Variants in ZC3H7B observed in about 807,000 individuals in gnomAD.
The protein encoded by ZC3H7B is zinc finger CCCH domain-containing protein 7B.
ZC3H7B carries 35 observed loss-of-function variants against 116.0 expected under a neutral mutation model. The ratio of observed to expected loss-of-function variants is 0.30; its 90% CI spans 0.23 to 0.40. The LOEUF is 0.40. Ranked by LOEUF, ZC3H7B falls within the 10% of genes least tolerant of loss-of-function variation. The pLI is 1.00. For missense variants in ZC3H7B, 1,011 were observed against 1,321.5 expected, an observed-to-expected ratio of 0.77 and a Z score of 3.64; for synonymous variants, 502 against 545.6, an observed-to-expected ratio of 0.92 and a Z score of 1.11.
chr22:41,341,012 A>C, intron 10 of ZC3H7B, 76 bp from the exon 11 acceptor site: 2 of 1,459,922 alleles, frequency 1.4e-6, no homozygotes, highest in Non-Finnish European at 1.9e-6. Flanking sequence ...TCAGCAATAC[A>C]TAAGGGGAAG....
intron 9 of ZC3H7B, among the ~76,000 whole-genome samples, chr22:41,339,482 C>T (rs368519115): frequency 2.0e-5 from 3 of 151,958 alleles, no homozygotes; most frequent in Non-Finnish European, 2.9e-5. Context: ...AAAAATTAGC[C>T]GGGCATGGTG....
chr22:41,306,395 C>T (rs1438668304), intron 1 of ZC3H7B, among the ~76,000 whole-genome samples: 19 of 134,072 alleles, frequency 1.4e-4, no homozygotes, highest in Non-Finnish European at 2.2e-4. Flanking sequence ...TTTTTTGAGA[C>T]GGAGTTCCAC....
chr22:41,323,244 C>T (rs73176670), intron 2 of ZC3H7B, among the ~76,000 whole-genome samples: 6,303 of 152,282 alleles, frequency 0.041, 198 homozygotes, highest in Non-Finnish European at 0.064. Flanking sequence ...TTCATCAGAG[C>T]GGTTGCTAGC....
intron 2 of ZC3H7B, among the ~76,000 whole-genome samples, chr22:41,325,283 G>T (rs759592605): frequency 4.6e-5 from 7 of 151,996 alleles, no homozygotes; most frequent in Non-Finnish European, 7.4e-5. Context: ...TGGAAGTGGG[G>T]CTGGAACTGG....
intron 1 of ZC3H7B, among the ~76,000 whole-genome samples, chr22:41,306,650 G>A (rs1254431210): frequency 4.6e-5 from 7 of 152,086 alleles, no homozygotes; most frequent in East Asian, 1.9e-4. Flanking sequence ...GATTACAGGC[G>A]TGAGCCACTG....
Position 41,343,454 on chromosome 22 carries a change from A to T in ZC3H7B, c.1337A>T (p.Glu446Val). 1 of 1,613,784 alleles carries T rather than the reference A, an allele frequency of 6.2e-7. No individual in the cohort carries two copies. The highest frequency in any genetic ancestry group is 8.5e-7 in the Non-Finnish European group (1 of 1,179,806). The change falls in exon 13 of 23, where the codon GAG (glutamate) becomes GTG (valine). Residue 446 changes from glutamate to valine, a missense_variant. Coordinates refer to ENST00000352645, the MANE Select transcript of ZC3H7B (RefSeq NM_017590.6). ...AGDYTYREGL[E>V]HKCKRDILLG... ...GACTACACCTACCGTGAGGGCCTTGAGCACAAGTGCAAGCGGGACATCCTG... is the reference window on the plus strand; with the variant it reads ...GACTACACCTACCGTGAGGGCCTTGTGCACAAGTGCAAGCGGGACATCCTG...
At chr22:41,356,531 T>C in intron 21 of ZC3H7B, 55 bp downstream of exon 21, 2 of 1,611,014 alleles carry the variant, frequency 1.2e-6, no homozygotes, top group Admixed American at 1.7e-5. Flanking sequence ...GGTCTGAGCC[T>C]CACCTGGGAG....
intron 17 of ZC3H7B, among the ~76,000 whole-genome samples, chr22:41,353,107 T>C (rs1052240884): frequency 2.0e-5 from 3 of 151,938 alleles, no homozygotes; most frequent in Non-Finnish European, 4.4e-5. Flanking sequence ...AAAAAAGGTC[T>C]TCAGGAGAAA....
intron 1 of ZC3H7B, among the ~76,000 whole-genome samples, chr22:41,306,006 T>C (rs2145892975): frequency 6.6e-6 from 1 of 152,276 alleles, no homozygotes; most frequent in African/African-American, 2.4e-5. Flanking sequence ...ATCTGAAAGA[T>C]AGGTTGAAAA....
chr22:41,330,766 A>T (rs2036371191), intron 6 of ZC3H7B, among the ~76,000 whole-genome samples: 1 of 151,132 alleles, frequency 6.6e-6, no homozygotes, highest in Middle Eastern at 3.4e-3. Context: ...ACATGTAGAA[A>T]CCCCATCTCT....
intron 11 of ZC3H7B, among the ~76,000 whole-genome samples, chr22:41,342,239 C>T (rs1020953608): frequency 2.6e-5 from 4 of 152,150 alleles, no homozygotes; most frequent in Admixed American, 6.5e-5. Flanking sequence ...TATGCTTTCA[C>T]ATTCAACTTG....
Position 41,349,026 on chromosome 22 carries a change from G to A in ZC3H7B, c.1767-94G>A. ...GGTACATAGATCAGGGGGTGCCCAG[G>A]GAGAGCCTGGCACTGGGAAGGTGGC... is the stretch of plus-strand genomic sequence containing the variant. On this transcript the variant is annotated intron_variant, in intron 15 of 22. Coordinates refer to ENST00000352645, the MANE Select transcript of ZC3H7B (RefSeq NM_017590.6). This position sits in a 1 kb window ranked among gnomAD's most constrained non-coding sequence, Gnocchi z 4.9. The A allele has an allele frequency of 7.3e-7, 1 of 1,369,904 alleles. No homozygotes were observed. Among genetic ancestry groups the A allele is most frequent in the Non-Finnish European group, 1.0e-6 (1 of 1,000,342 alleles). The allele number at this position is 1,369,904 out of a possible 1,614,324, so 84.9% of individuals were successfully genotyped here. A position where few individuals can be genotyped will look rare whatever the true frequency, so the allele number is the denominator to read the frequency against.
chr22:41,356,789 G>C lies in ZC3H7B; in HGVS notation c.2662G>C (p.Glu888Gln). 6.2e-7 allele frequency: 1 copy of C among 1,613,484 alleles called. No individual in the cohort carries two copies. Among genetic ancestry groups the C allele is most frequent in the Non-Finnish European group, 8.5e-7 (1 of 1,179,968 alleles). Residue 888 changes from glutamate (E) to glutamine (Q), a missense_variant, in exon 22 of 23, where the codon GAG (glutamate) becomes CAG (glutamine). By Grantham distance (29) the Glu-to-Gln change is conservative. This residue lies in a region of ZC3H7B where 406 missense variants were observed against 590.2 expected (regional missense o/e 0.69). Transcript: ENST00000352645. ...CTGGGCCTTCCGCTTCCCCATGGGCGAGTTCCGGCTCTGCGACAGGTGCTC... is the reference window on the plus strand; with the variant it reads ...CTGGGCCTTCCGCTTCCCCATGGGCCAGTTCCGGCTCTGCGACAGGTGCTC... ...SGWAFRFPMG[E>Q]FRLCDRLQKG...
chr22:41,324,393 G>T (rs191006810), intron 2 of ZC3H7B, among the ~76,000 whole-genome samples: 40 of 152,310 alleles, frequency 2.6e-4, no homozygotes, highest in Admixed American at 1.8e-3. Flanking sequence ...TCCTGCCCAG[G>T]TGCTGGCAGC....
At position 41,302,303 on chromosome 22, in the gene ZC3H7B, G is replaced by T. The variant is rs1326013985; in HGVS notation, c.-7+531G>T. On this transcript the variant is annotated intron_variant, in intron 1 of 22. Transcript: ENST00000352645. The surrounding 1 kb of genome is among the most constrained non-coding windows in gnomAD (Gnocchi z 5.7). ...GGGGAGCGGGGCCGCCCGACGGGCCGCCCCTTTCGGCTGCGGCGGCCACGC... is the reference window on the plus strand; with the variant it reads ...GGGGAGCGGGGCCGCCCGACGGGCCTCCCCTTTCGGCTGCGGCGGCCACGC... Among the ~76,000 whole-genome samples, 1 of 151,762 alleles carries T rather than the reference G, an allele frequency of 6.6e-6. No homozygotes were observed. The highest frequency in any genetic ancestry group is 1.9e-4 in the East Asian group (1 of 5,130).
At chr22:41,320,528 C>T (rs2036241646) in intron 1 of ZC3H7B, 127 bp from the exon 2 acceptor site, 2 of 1,095,572 alleles carry the variant, frequency 1.8e-6, no homozygotes, top group African/African-American at 1.5e-5. Flanking sequence ...AGGGACACGC[C>T]TCCCGACATG....
rs959572370 is a variant in ZC3H7B, at chr22:41,302,724, A to AG, written c.-7+958dup. 3.3e-5 allele frequency among the ~76,000 whole-genome samples: 5 copies of AG among 152,114 alleles called. No individual in the cohort carries two copies. Among genetic ancestry groups the AG allele is most frequent in the African/African-American group, 1.2e-4 (5 of 41,428 alleles). ...CTTTCACAGACAAAGCCGTCTTCCC[A>AG]GGGGGGAAAATAATCATATAAAAAC... On this transcript the variant is annotated intron_variant, in intron 1 of 22. Transcript: ENST00000352645. The surrounding 1 kb of genome is among the most constrained non-coding windows in gnomAD (Gnocchi z 5.7).
At position 41,355,833 on chromosome 22, in the gene ZC3H7B, T is replaced by G; in HGVS notation, c.2245T>G (p.Ser749Ala). 1 of 1,613,622 alleles carries G rather than the reference T, an allele frequency of 6.2e-7. No homozygotes were observed. The highest frequency in any genetic ancestry group is 8.5e-7 in the Non-Finnish European group (1 of 1,179,992). Reference protein sequence around the residue: ...RKWVSVRPLPSIRNFPQQYDL... With the variant: ...RKWVSVRPLPAIRNFPQQYDL... ...ATGGGTGTCAGTGAGGCCACTGCCA[T>G]CCATTCGTAACTTCCCACAGCAATA... is the stretch of plus-strand genomic sequence containing the variant. The change falls in exon 19 of 23, where the codon TCC (serine) becomes GCC (alanine). Residue 749 changes from serine to alanine, a missense_variant. This residue lies in a region of ZC3H7B where 406 missense variants were observed against 590.2 expected (regional missense o/e 0.69). Coordinates refer to ENST00000352645, the MANE Select transcript of ZC3H7B (RefSeq NM_017590.6).
Position 41,302,491 on chromosome 22 carries a change from G to C in ZC3H7B, c.-7+719G>C, listed in dbSNP as rs1439808437. On this transcript the variant is annotated intron_variant, in intron 1 of 22. Transcript: ENST00000352645. This position sits in a 1 kb window ranked among gnomAD's most constrained non-coding sequence, Gnocchi z 5.7. Reference sequence around the variant, plus strand: ...CCCGCGGCCGTCCAGGGAGTGCTAGGGGGCTGCGGACCCCGGCTCTGGCGC... The same window carrying C: ...CCCGCGGCCGTCCAGGGAGTGCTAGCGGGCTGCGGACCCCGGCTCTGGCGC... Among the ~76,000 whole-genome samples the C allele has an allele frequency of 4.6e-5, 7 of 152,146 alleles. No individual in the cohort carries two copies. The highest frequency in any genetic ancestry group is 4.6e-4 in the Admixed American group (7 of 15,280).
Sources: gnomAD v4.1 joint callset for allele counts (sites outside exome capture counted in the v4.1 genomes callset) on GRCh38, gnomAD v4.1.1 for gene constraint, gnomAD v4.1.1 regional missense constraint, Gnocchi (gnomAD v3.1) non-coding constraint, MANE v1.5 for transcripts, NCBI Gene and HGNC (gene_info 2026-07-23, HGNC 2026-07-21) for gene names.